The following NUP93 variants were observed in gnomAD, a reference collection of about 807,000 sequenced individuals.
NUP93 encodes the protein nuclear pore complex protein Nup93.
A neutral mutation model predicts 107.8 loss-of-function variants in NUP93; 55 were observed. That is an observed-to-expected ratio of 0.51 (90% CI 0.41 to 0.64). NUP93 has a LOEUF of 0.64. Among genes scored for constraint, NUP93 ranks in the 30% least tolerant of loss-of-function variants. The pLI is 0.00. For synonymous variants in NUP93, 390 were observed against 397.5 expected (o/e 0.98, Z 0.22); for missense variants, 937 against 1,044.7 (o/e 0.90, Z 1.42).
At chr16:56,813,969 T>C (rs1963367764) in intron 5 of NUP93, among the ~76,000 whole-genome samples, 1 of 152,172 alleles carries the variant, frequency 6.6e-6, no homozygotes, top group Non-Finnish European at 1.5e-5. Flanking sequence ...TCCTCTCTGG[T>C]CCCTGGTTGG....
At chr16:56,795,811 T>A (rs1287865706) in intron 3 of NUP93, among the ~76,000 whole-genome samples, 3 of 152,100 alleles carry the variant, frequency 2.0e-5, no homozygotes, top group Non-Finnish European at 4.4e-5. Context: ...CACGGCTGGC[T>A]AATCTTTGTG....
At chr16:56,786,908 G>C (rs1962640824) in intron 3 of NUP93, among the ~76,000 whole-genome samples, 1 of 152,206 alleles carries the variant, frequency 6.6e-6, no homozygotes, top group South Asian at 2.1e-4. Flanking sequence ...ATTTGTATTT[G>C]AATAATGGTC....
chr16:56,821,643 G>A, intron 7 of NUP93, 50 bp downstream of exon 7: 1 of 1,254,954 alleles, frequency 8.0e-7, no homozygotes, highest in Non-Finnish European at 1.2e-6. Context: ...GTGTTCCGAT[G>A]GGCCTAGCAA....
chr16:56,753,691 C>T (rs1044751227), intron 2 of NUP93, among the ~76,000 whole-genome samples: 20 of 152,042 alleles, frequency 1.3e-4, no homozygotes, highest in African/African-American at 4.1e-4. Context: ...ATAAATAATC[C>T]AGAATCTTCA....
intron 2 of NUP93, among the ~76,000 whole-genome samples, chr16:56,754,582 A>G (rs1408713196): frequency 2.0e-5 from 3 of 152,256 alleles, no homozygotes; most frequent in African/African-American, 2.4e-5. Context: ...CAAAGGGGCT[A>G]CAGACCCCAT....
chr16:56,805,825 T>C, intron 5 of NUP93, 193 bp downstream of exon 5: 1 of 590,060 alleles, frequency 1.7e-6, no homozygotes, highest in Non-Finnish European at 3.0e-6. Flanking sequence ...TCAGTCTCCT[T>C]TGCTGAGCTT....
chr16:56,818,870 A>T (rs1475707449), intron 6 of NUP93, 132 bp downstream of exon 6: 1 of 668,438 alleles, frequency 1.5e-6, no homozygotes, highest in African/African-American at 1.8e-5. Flanking sequence ...GAACTAGTTA[A>T]TATTTTAGCA....
chr16:56,739,624 C>A (rs1327775730), intron 1 of NUP93, among the ~76,000 whole-genome samples: 28 of 110,746 alleles, frequency 2.5e-4, no homozygotes, highest in African/African-American at 1.0e-3. Flanking sequence ...GGGCGGGGGG[C>A]CGACATCCCC....
At chr16:56,769,383 G>A (rs557943687) in intron 3 of NUP93, among the ~76,000 whole-genome samples, 6 of 152,274 alleles carry the variant, frequency 3.9e-5, no homozygotes, top group South Asian at 2.1e-4. Flanking sequence ...AGGCTGGAGC[G>A]TACTTTCTCA....
chr16:56,820,181 C>T (rs1317079351), intron 6 of NUP93, among the ~76,000 whole-genome samples: 3 of 152,216 alleles, frequency 2.0e-5, no homozygotes, highest in Non-Finnish European at 2.9e-5. Flanking sequence ...TCTGTTTACA[C>T]GGCTGTCCTC....
intron 21 of NUP93, 106 bp downstream of exon 21, chr16:56,841,939 C>T (rs1964034866): frequency 4.5e-6 from 6 of 1,320,094 alleles, no homozygotes; most frequent in Admixed American, 4.9e-5. Context: ...TCTTTCTCCT[C>T]AGTACCTGGC....
In NUP93 at chr16:56,850,050, A is replaced by G. The variant is rs1219584805; in HGVS notation, c.*5441A>G. On this transcript the variant is annotated 3_prime_UTR_variant, in exon 22 of 22. Transcript: ENST00000308159. ...ACTTGATCAGTAACTTGTGTTAGAA[A>G]CTCAGTGGGGGAGAATTCTTTGCGT... 6.6e-6 allele frequency: 1 copy of G among 151,984 alleles called. No homozygotes were observed. Among genetic ancestry groups the G allele is most frequent in the East Asian group, 1.9e-4 (1 of 5,178 alleles). 9.4% of individuals were successfully genotyped at this position (151,984 alleles called of 1,614,324 possible). A position where few individuals can be genotyped will look rare whatever the true frequency, so the allele number is the denominator to read the frequency against.
intron 18 of NUP93, among the ~76,000 whole-genome samples, chr16:56,838,700 G>A (rs1284513760): frequency 1.3e-5 from 2 of 152,098 alleles, no homozygotes; most frequent in Non-Finnish European, 2.9e-5. Context: ...TGAGTAACTA[G>A]GACTACAGGC....
At chr16:56,804,855 G>A (rs946253296) in intron 4 of NUP93, among the ~76,000 whole-genome samples, 31 of 150,504 alleles carry the variant, frequency 2.1e-4, no homozygotes, top group Non-Finnish European at 3.2e-4. Context: ...GCAGTGAGCC[G>A]AGATCGTGCC....
At chr16:56,742,026 G>A (rs1329125556) in intron 1 of NUP93, among the ~76,000 whole-genome samples, 1 of 152,168 alleles carries the variant, frequency 6.6e-6, no homozygotes, top group African/African-American at 2.4e-5. Context: ...TGCATAACTG[G>A]GCTGTTTGGA....
chr16:56,743,759 C>T (rs1403273592), intron 1 of NUP93, among the ~76,000 whole-genome samples: 1 of 152,160 alleles, frequency 6.6e-6, no homozygotes, highest in African/African-American at 2.4e-5. Context: ...TCTGTCCTTC[C>T]TCCCACAAGT....
intron 1 of NUP93, among the ~76,000 whole-genome samples, chr16:56,747,019 A>G (rs117151383): frequency 0.026 from 3,844 of 150,124 alleles, 76 homozygotes; most frequent in Middle Eastern, 0.041. Context: ...TTTTTCCAAG[A>G]CAGAGTCTCA....
chr16:56,814,873 T>C (rs938572992), intron 5 of NUP93, among the ~76,000 whole-genome samples: 2 of 152,178 alleles, frequency 1.3e-5, no homozygotes, highest in Non-Finnish European at 2.9e-5. Flanking sequence ...ACCCCAGAGA[T>C]TGGTGGCTTT....
At chr16:56,837,495 G>A (rs904567794) in intron 17 of NUP93, 113 bp from the exon 18 acceptor site, 19 of 783,878 alleles carry the variant, frequency 2.4e-5, no homozygotes, top group Admixed American at 8.8e-5. Flanking sequence ...CTTGGGAGGC[G>A]GTAAAAAATG....
Sources: allele counts gnomAD v4.1 joint callset (sites outside exome capture counted in the v4.1 genomes callset), GRCh38; gene constraint gnomAD v4.1.1; transcripts MANE v1.5; gene names NCBI Gene and HGNC (gene_info 2026-07-23, HGNC 2026-07-21).